GRB14: variants seen among roughly 807,000 people sequenced by gnomAD.
The protein encoded by GRB14 is growth factor receptor bound protein 14.
A neutral mutation model predicts 69.1 loss-of-function variants in GRB14; 38 were observed. The ratio of observed to expected loss-of-function variants is 0.55; its 90% CI spans 0.42 to 0.72. The LOEUF is 0.72. Among genes scored for constraint, GRB14 ranks in the 30% least tolerant of loss-of-function variants. The probability of loss-of-function intolerance (pLI) is 0.00; values close to 1 mark genes in which losing one functional copy is unlikely to be tolerated. For missense variants in GRB14, 666 were observed against 666.1 expected (o/e 1.00, Z 0.00); for synonymous variants, 247 against 241.3 (o/e 1.02, Z -0.22).
intron 2 of GRB14, chr2:164,568,407 G>T (rs114451955): frequency 1.6e-6 from 2 of 1,276,796 alleles, no homozygotes; most frequent in Non-Finnish European, 2.0e-6. Context: ...ATCCTGTCTC[G>T]TAGGTCATGG....
At chr2:164,510,712 C>T (rs1687317610) in intron 6 of GRB14, among the ~76,000 whole-genome samples, 1 of 152,120 alleles carries the variant, frequency 6.6e-6, no homozygotes, top group Admixed American at 6.5e-5. Context: ...CTCACAGTAC[C>T]TGGTTTTAGA....
Position 164,502,239 on chromosome 2 carries a change from A to G in GRB14, c.1104+16T>C, listed in dbSNP as rs374092645. The G allele has an allele frequency of 9.1e-6, 13 of 1,422,238 alleles. No individual in the cohort carries two copies. The highest frequency in any genetic ancestry group is 1.2e-5 in the South Asian group (1 of 85,578). The allele number at this position is 1,422,238 out of a possible 1,614,324, so 88.1% of individuals were successfully genotyped here. On this transcript the variant is annotated intron_variant, in intron 9 of 13. Transcript: ENST00000263915. ...GAATGTAAAATAAAACACAGGCTCA[A>G]AAATTTGGTCCTTACCATAGGTGAT...
chr2:164,495,064 C>G (rs188119697), intron 12 of GRB14, among the ~76,000 whole-genome samples: 10 of 152,196 alleles, frequency 6.6e-5, no homozygotes, highest in African/African-American at 2.2e-4. Context: ...ACCTCAGCCT[C>G]CCAGGTAATT....
At chr2:164,532,301 A>C (rs1388069392) in intron 3 of GRB14, among the ~76,000 whole-genome samples, 1 of 152,254 alleles carries the variant, frequency 6.6e-6, no homozygotes, top group African/African-American at 2.4e-5. Context: ...CAGGTTACTC[A>C]GTATCAGAAA....
At chr2:164,569,324 T>C (rs1299545903) in intron 2 of GRB14, among the ~76,000 whole-genome samples, 1 of 152,034 alleles carries the variant, frequency 6.6e-6, no homozygotes, top group Non-Finnish European at 1.5e-5. Flanking sequence ...CAAGAAAAAT[T>C]TCAATGAAGT....
At chr2:164,561,448 T>C (rs920351142) in intron 2 of GRB14, among the ~76,000 whole-genome samples, 2 of 152,196 alleles carry the variant, frequency 1.3e-5, no homozygotes, top group Non-Finnish European at 2.9e-5. Context: ...GTTGAATCAC[T>C]ATGTCTTTGA....
chr2:164,494,239 T>A (rs557178424), intron 13 of GRB14, among the ~76,000 whole-genome samples, 192 bp downstream of exon 13: 1 of 152,298 alleles, frequency 6.6e-6, no homozygotes, highest in South Asian at 2.1e-4. Flanking sequence ...ATTCCTGTAT[T>A]TCTTATATTA....
At chr2:164,512,675 C>A (rs1047645054) in intron 6 of GRB14, among the ~76,000 whole-genome samples, 1 of 152,138 alleles carries the variant, frequency 6.6e-6, no homozygotes, top group African/African-American at 2.4e-5. Flanking sequence ...GAAATACATG[C>A]ACACACATAA....
At chr2:164,516,981 C>T (rs1275452279) in intron 6 of GRB14, among the ~76,000 whole-genome samples, 1 of 152,128 alleles carries the variant, frequency 6.6e-6, no homozygotes, top group Non-Finnish European at 1.5e-5. Context: ...CGAGATGGTG[C>T]CCCTGCAATC....
intron 13 of GRB14, among the ~76,000 whole-genome samples, 165 bp from the exon 14 acceptor site, chr2:164,493,347 T>G (rs1248148096): frequency 6.6e-6 from 1 of 152,128 alleles, no homozygotes; most frequent in Non-Finnish European, 1.5e-5. Flanking sequence ...TTAACATCAC[T>G]TGCATTTAAA....
chr2:164,569,854 T>C (rs1689084354), intron 2 of GRB14, among the ~76,000 whole-genome samples: 1 of 152,108 alleles, frequency 6.6e-6, no homozygotes, highest in African/African-American at 2.4e-5. Context: ...CATGATCTTT[T>C]AAAAGAAAAT....
chr2:164,527,089 G>C lies in GRB14; in HGVS notation c.528C>G (p.Asn176Lys), dbSNP rs1397162398. 2 of 1,584,756 alleles carry C rather than the reference G, an allele frequency of 1.3e-6. No individual in the cohort carries two copies. The highest frequency in any genetic ancestry group is 2.2e-5 in the South Asian group (2 of 89,858). The change falls in exon 4 of 14, where the codon AAC becomes AAG. Residue 176 changes from asparagine to lysine, a missense_variant. Coordinates refer to ENST00000263915, the MANE Select transcript of GRB14 (RefSeq NM_004490.3). Reference sequence around the variant, plus strand: ...GTTTGTTTTCTTCTTCTATCCCCCAGTTGGATAGCACTTCAATCACCAGTT... The same window carrying C: ...GTTTGTTTTCTTCTTCTATCCCCCACTTGGATAGCACTTCAATCACCAGTT... ...DHELVIEVLS[N>K]WGIEEENKLY...
intron 3 of GRB14, among the ~76,000 whole-genome samples, chr2:164,531,462 T>C (rs956760547): frequency 1.3e-5 from 2 of 152,138 alleles, no homozygotes; most frequent in African/African-American, 4.8e-5. Context: ...TCTAAGAAAA[T>C]AGTATGAATT....
chr2:164,515,926 C>T (rs1249613039), intron 6 of GRB14, among the ~76,000 whole-genome samples: 1 of 151,476 alleles, frequency 6.6e-6, no homozygotes, highest in African/African-American at 2.4e-5. Flanking sequence ...ATGCAAAATG[C>T]TCTGGAAAGT....
intron 2 of GRB14, among the ~76,000 whole-genome samples, chr2:164,551,503 A>G (rs1688536995): frequency 6.6e-6 from 1 of 152,176 alleles, no homozygotes. Flanking sequence ...AGGTAATTAC[A>G]TTATGCAGGT....
chr2:164,513,543 A>G (rs1430368492), intron 6 of GRB14, among the ~76,000 whole-genome samples: 2 of 152,222 alleles, frequency 1.3e-5, no homozygotes, highest in Non-Finnish European at 2.9e-5. Flanking sequence ...GCCAAGACAG[A>G]AAATCCTAAG....
At chr2:164,518,966 C>G (rs1200594639) in intron 6 of GRB14, among the ~76,000 whole-genome samples, 1 of 151,972 alleles carries the variant, frequency 6.6e-6, no homozygotes, top group East Asian at 1.9e-4. Flanking sequence ...GTACCAATCC[C>G]ATTGACACTA....
intron 3 of GRB14, among the ~76,000 whole-genome samples, chr2:164,544,684 C>A (rs1412784000): frequency 6.6e-6 from 1 of 152,122 alleles, no homozygotes; most frequent in African/African-American, 2.4e-5. Context: ...GCGTCCTTGG[C>A]AGGTTGATAA....
intron 3 of GRB14, among the ~76,000 whole-genome samples, chr2:164,530,072 AT>A: frequency 6.6e-6 from 1 of 152,268 alleles, no homozygotes. Context: ...GTCTTAATCC[AT>A]TTTTTGTTGC....
Sources: gnomAD v4.1 joint callset for allele counts (sites outside exome capture counted in the v4.1 genomes callset) on GRCh38, gnomAD v4.1.1 for gene constraint, MANE v1.5 for transcripts, NCBI Gene and HGNC (gene_info 2026-07-23, HGNC 2026-07-21) for gene names.